The following SYNE2 variants were observed in gnomAD, a reference collection of about 807,000 sequenced individuals.
SYNE2 encodes the protein spectrin repeat containing nuclear envelope protein 2, also known as nesprin-2.
In SYNE2, 431 loss-of-function variants were observed where a neutral mutation model predicts 856.3. That is an observed-to-expected ratio of 0.50 (90% CI 0.47 to 0.55). The LOEUF is 0.55. Among genes scored for constraint, SYNE2 ranks in the 20% least tolerant of loss-of-function variants. The pLI, the probability that SYNE2 is intolerant of heterozygous loss-of-function variation, is 0.00. For missense variants in SYNE2, 8,129 were observed against 8,023.2 expected (o/e 1.01, Z -0.50); for synonymous variants, 2,923 against 2,872.3 (o/e 1.02, Z -0.56).
chr14:63,958,637 C>T (rs973702946), intron 8 of SYNE2, among the ~76,000 whole-genome samples: 2 of 152,172 alleles, frequency 1.3e-5, no homozygotes, highest in African/African-American at 4.8e-5. Context: ...TCTCCCCCTT[C>T]TCTCCATACT....
chr14:63,943,454 A>G (rs1595781974), intron 6 of SYNE2, among the ~76,000 whole-genome samples: 1 of 152,162 alleles, frequency 6.6e-6, no homozygotes, highest in Admixed American at 6.5e-5. Flanking sequence ...GAAAAATAGC[A>G]TAACTAACAT....
intron 65 of SYNE2, 37 bp downstream of exon 65, chr14:64,107,644 A>C: frequency 6.7e-7 from 1 of 1,486,906 alleles, no homozygotes; most frequent in Non-Finnish European, 9.4e-7. Flanking sequence ...CTGCTCAGAT[A>C]GCTGGACTAG....
At chr14:64,136,175 A>G (rs2098086344) in intron 78 of SYNE2, among the ~76,000 whole-genome samples, 1 of 151,784 alleles carries the variant, frequency 6.6e-6, no homozygotes, top group Non-Finnish European at 1.5e-5. Context: ...CTATAATCCC[A>G]GCTACTTGGG....
intron 51 of SYNE2, 70 bp downstream of exon 51, chr14:64,065,720 CTTGT>C: frequency 6.5e-7 from 1 of 1,543,766 alleles, no homozygotes. Flanking sequence ...TTACTTTCAC[CTTGT>C]TTTTCTATAA....
chr14:64,005,446 T>C (rs374118394), intron 30 of SYNE2, among the ~76,000 whole-genome samples: 334 of 152,268 alleles, frequency 2.2e-3, no homozygotes, highest in Non-Finnish European at 4.1e-3. Flanking sequence ...AAAAGAGATA[T>C]TGGGGTCAAG....
chr14:64,000,139 A>G (rs2096742738), intron 27 of SYNE2, among the ~76,000 whole-genome samples: 4 of 152,226 alleles, frequency 2.6e-5, no homozygotes, highest in Admixed American at 6.5e-5. Context: ...ATAAACCATA[A>G]ATTAATTTAA....
intron 1 of SYNE2, among the ~76,000 whole-genome samples, chr14:63,834,722 A>ACTCCAC (rs2139906929): frequency 6.7e-6 from 1 of 149,784 alleles, no homozygotes; most frequent in East Asian, 2.0e-4. Flanking sequence ...TTCACTGCAA[A>ACTCCAC]CTCCACCTCC....
At chr14:64,138,273 A>G (rs768807629) in intron 79 of SYNE2, among the ~76,000 whole-genome samples, 9 of 151,960 alleles carry the variant, frequency 5.9e-5, no homozygotes, top group Non-Finnish European at 1.2e-4. Context: ...CCCAGGCTGG[A>G]GTGCATGGAG....
chr14:64,025,131 G>A lies in SYNE2; in HGVS notation c.5962G>A (p.Glu1988Lys), dbSNP rs758219930. 3 of 1,614,054 alleles carry A rather than the reference G, an allele frequency of 1.9e-6. No homozygotes were observed. In the South Asian group the frequency reaches 3.3e-5, roughly 18 times the overall value. Residue 1988 changes from glutamate to lysine, a missense_variant and splice_region_variant, in exon 41 of 116, where the codon GAA becomes AAA. Physicochemically the swap from Glu to Lys is moderately conservative, Grantham distance 56 (BLOSUM62 1). Transcript: ENST00000555002. ...LFCQALARKREQFESVAQLNN... is the reference protein window; with the variant it reads ...LFCQALARKRKQFESVAQLNN... Reference sequence around the variant, plus strand: ...TTAAGTGGTATTTGGAATTTACAGGGAACAGTTTGAATCTGTGGCCCAATT... The same window carrying A: ...TTAAGTGGTATTTGGAATTTACAGGAAACAGTTTGAATCTGTGGCCCAATT...
intron 1 of SYNE2, among the ~76,000 whole-genome samples, chr14:63,893,504 C>T (rs1476554979): frequency 1.3e-5 from 2 of 152,150 alleles, no homozygotes; most frequent in African/African-American, 4.8e-5. Flanking sequence ...GTTGAGGCTG[C>T]AGTAAGGTAA....
At chr14:63,950,241 A>G (rs148688777) in intron 7 of SYNE2, among the ~76,000 whole-genome samples, 2 of 152,294 alleles carry the variant, frequency 1.3e-5, no homozygotes, top group East Asian at 3.9e-4. Context: ...TAGGTGGCAT[A>G]TTATTACATG....
At position 64,220,788 on chromosome 14, in the gene SYNE2, G is replaced by A. The variant is rs79852458; in HGVS notation, c.20061+151G>A. The A allele has an allele frequency of 6.3e-5, 62 of 979,490 alleles. No homozygotes were observed. The East Asian group carries it at 1.6e-3, about 25-fold the overall frequency. 60.7% of individuals were successfully genotyped at this position (979,490 alleles called of 1,614,324 possible). ...GTGCTTTACCATTTGTTTCCACAGA[G>A]GCTCACCGGCCATCTCAGAGACCTA... On this transcript the variant is annotated intron_variant, in intron 111 of 115. Coordinates refer to ENST00000555002, the MANE Select transcript of SYNE2 (RefSeq NM_182914.3).
intron 1 of SYNE2, among the ~76,000 whole-genome samples, chr14:63,763,553 T>A (rs1055926491): frequency 6.6e-6 from 1 of 151,862 alleles, no homozygotes; most frequent in Non-Finnish European, 1.5e-5. Context: ...CTATAAAAAA[T>A]AAAAATAAAA....
In SYNE2 at chr14:64,098,824, A is replaced by G. The variant is rs1450344122; in HGVS notation, c.12381+3A>G. 6.2e-7 allele frequency: 1 copy of G among 1,613,874 alleles called. No homozygotes were observed. On this transcript the variant is annotated splice_donor_region_variant and intron_variant, in intron 63 of 115. Transcript: ENST00000555002. Reference sequence around the variant, plus strand: ...AAGAAAGTTCCGTGAAGAGCGATGTAAGGGAAATGATTTTCTTGTTAAAGT... The same window carrying G: ...AAGAAAGTTCCGTGAAGAGCGATGTGAGGGAAATGATTTTCTTGTTAAAGT...
intron 1 of SYNE2, among the ~76,000 whole-genome samples, chr14:63,900,988 G>A (rs1414990690): frequency 6.6e-6 from 1 of 152,100 alleles, no homozygotes; most frequent in Non-Finnish European, 1.5e-5. Context: ...GACACCCCAG[G>A]GAAAATGCTG....
intron 96 of SYNE2, among the ~76,000 whole-genome samples, chr14:64,178,844 G>A (rs958403221): frequency 6.6e-6 from 1 of 152,180 alleles, no homozygotes; most frequent in Non-Finnish European, 1.5e-5. Context: ...GCTGCAGCGG[G>A]AGGATCCCTT....
At position 64,101,988 on chromosome 14, in the gene SYNE2, T is replaced by C; in HGVS notation, c.12438T>C (p.His4146=). Residue 4146 remains histidine, a synonymous_variant, in exon 64 of 116, where the codon CAT becomes CAC. Coordinates refer to ENST00000555002, the MANE Select transcript of SYNE2 (RefSeq NM_182914.3). ...SPQSWSSLWK[H]DKDMEEDRAS... Reference sequence around the variant, plus strand: ...AGTCTTGGTCTTCACTTTGGAAGCATGACAAGGACATGGAAGAAGACAGAG... The same window carrying C: ...AGTCTTGGTCTTCACTTTGGAAGCACGACAAGGACATGGAAGAAGACAGAG... The C allele has an allele frequency of 6.2e-7, 1 of 1,614,120 alleles. No individual in the cohort carries two copies. The highest frequency in any genetic ancestry group is 8.5e-7 in the Non-Finnish European group (1 of 1,179,986).
At chr14:63,782,144 A>C in intron 1 of SYNE2, among the ~76,000 whole-genome samples, 1 of 150,222 alleles carries the variant, frequency 6.7e-6, no homozygotes. Flanking sequence ...TCAAAAAAAA[A>C]AAACCAAAAA....
rs577185431 is a variant in SYNE2, at chr14:64,183,322, G to A, written c.17557-3102G>A. On this transcript the variant is annotated intron_variant, in intron 96 of 115. Transcript: ENST00000555002. The stretch of plus-strand genomic sequence containing the variant: ...GCGCTCCTCCCATCCCAGACGGGGC[G>A]GCAGGGCAGAGGCGCTCCCCACATC... 5.2e-3 allele frequency among the ~76,000 whole-genome samples: 789 copies of A among 150,740 alleles called. 8 individuals carry two copies. The highest frequency in any genetic ancestry group is 0.018 in the African/African-American group (751 of 41,056).
Sources: allele counts gnomAD v4.1 joint callset (sites outside exome capture counted in the v4.1 genomes callset), GRCh38; gene constraint gnomAD v4.1.1; transcripts MANE v1.5; gene names NCBI Gene and HGNC (gene_info 2026-07-23, HGNC 2026-07-21).